Variants in DYNC1I2 observed in about 807,000 individuals in gnomAD.
The protein encoded by DYNC1I2 is dynein cytoplasmic 1 intermediate chain 2.
A neutral mutation model predicts 88.6 loss-of-function variants in DYNC1I2; 53 were observed. The ratio of observed to expected loss-of-function variants is 0.60; its 90% CI spans 0.48 to 0.75. The LOEUF is 0.75. Ranked by LOEUF, DYNC1I2 falls within the 30% of genes least tolerant of loss-of-function variation. DYNC1I2 has a pLI of 0.00. For synonymous variants in DYNC1I2, 198 were observed against 254.6 expected (o/e 0.78, Z 2.12); for missense variants, 458 against 766.6 (o/e 0.60, Z 4.75).
At chr2:171,722,837 G>T (rs1687989219) in intron 7 of DYNC1I2, among the ~76,000 whole-genome samples, 2 of 152,184 alleles carry the variant, frequency 1.3e-5, no homozygotes, top group Middle Eastern at 3.4e-3. Flanking sequence ...TCATTTTTAT[G>T]AAGCTTAAGT....
intron 4 of DYNC1I2, chr2:171,706,794 AAAGAAAAAATTATTAGAC>A: frequency 2.2e-6 from 1 of 454,390 alleles, no homozygotes; most frequent in Non-Finnish European, 3.9e-6. Context: ...TTACTTTTTG[AAAGAAAAAATTATTAGAC>A]AAAAGTTAAT....
intron 15 of DYNC1I2, among the ~76,000 whole-genome samples, chr2:171,730,208 T>C (rs916274796): frequency 2.6e-5 from 4 of 152,150 alleles, no homozygotes; most frequent in African/African-American, 9.7e-5. Context: ...GCATTTGCTC[T>C]TTGGAGAGTT....
At chr2:171,735,997 A>T (rs541386641) in intron 15 of DYNC1I2, among the ~76,000 whole-genome samples, 1 of 152,180 alleles carries the variant, frequency 6.6e-6, no homozygotes, top group Non-Finnish European at 1.5e-5. Context: ...GTCCATACAC[A>T]TCTTGAAATT....
chr2:171,715,501 CT>C (rs1574564208), intron 7 of DYNC1I2, 58 bp downstream of exon 7: 10 of 1,079,038 alleles, frequency 9.3e-6, no homozygotes, highest in Non-Finnish European at 1.3e-5. Flanking sequence ...TACATAGATT[CT>C]TTTTTTCTTC....
At chr2:171,740,684 T>C (rs938222705) in intron 15 of DYNC1I2, among the ~76,000 whole-genome samples, 10 of 152,224 alleles carry the variant, frequency 6.6e-5, no homozygotes, top group Admixed American at 6.5e-4. Context: ...TTTGGTTTTC[T>C]TCTTCAGGAC....
chr2:171,744,111 A>G lies in DYNC1I2; in HGVS notation c.1599A>G (p.Ser533=), dbSNP rs1273395894. The G allele has an allele frequency of 3.1e-6, 5 of 1,613,220 alleles. No homozygotes were observed. The Admixed American group carries it at 6.7e-5, about 22-fold the overall frequency. ...ACTATGTTTATGATGTTATGTGGTCACCTACCCACCCAGCCCTGTTTGCCT... is the reference window on the plus strand; with the variant it reads ...ACTATGTTTATGATGTTATGTGGTCGCCTACCCACCCAGCCCTGTTTGCCT... ...NADYVYDVMW[S]PTHPALFACV... Residue 533 remains serine, a synonymous_variant, in exon 16 of 18, where the codon TCA becomes TCG. Coordinates refer to ENST00000397119, the MANE Select transcript of DYNC1I2 (RefSeq NM_001378.3).
intron 3 of DYNC1I2, among the ~76,000 whole-genome samples, chr2:171,701,815 A>AAT (rs1686283220): frequency 5.9e-5 from 9 of 152,204 alleles, no homozygotes; most frequent in Admixed American, 4.6e-4. Flanking sequence ...TACAGAGTAT[A>AAT]CTATCTGGCA....
At chr2:171,718,292 T>A (rs1687656448) in intron 7 of DYNC1I2, among the ~76,000 whole-genome samples, 1 of 152,136 alleles carries the variant, frequency 6.6e-6, no homozygotes, top group African/African-American at 2.4e-5. Context: ...TTTCATTTTT[T>A]AAAAATAGTT....
chr2:171,693,664 G>A (rs558448355), intron 3 of DYNC1I2, among the ~76,000 whole-genome samples: 2 of 152,262 alleles, frequency 1.3e-5, no homozygotes, highest in South Asian at 4.1e-4. Flanking sequence ...CTCTATGCTT[G>A]TTGTGAAACT....
intron 1 of DYNC1I2, chr2:171,687,866 C>T: frequency 6.6e-6 from 1 of 152,612 alleles, no homozygotes. Flanking sequence ...CATCCAGTCA[C>T]CTGACAGGTG....
At chr2:171,741,286 C>T (rs1244999799) in intron 15 of DYNC1I2, among the ~76,000 whole-genome samples, 4 of 152,102 alleles carry the variant, frequency 2.6e-5, no homozygotes, top group African/African-American at 4.8e-5. Context: ...TTATTTCTCT[C>T]GGGTATATAC....
At chr2:171,727,025 C>T (rs1688302285) in intron 11 of DYNC1I2, 109 bp downstream of exon 11, 1 of 1,249,048 alleles carries the variant, frequency 8.0e-7, no homozygotes, top group Admixed American at 3.1e-5. Flanking sequence ...ATTGGATTGG[C>T]ATTTTACTAA....
chr2:171,710,120 TATACACACACACACACAC>T (rs902224044), intron 5 of DYNC1I2, among the ~76,000 whole-genome samples: 6 of 95,674 alleles, frequency 6.3e-5, no homozygotes, highest in South Asian at 3.3e-4. Context: ...TTTATGTATA[TATACACACACACACACAC>T]ACACACACAC....
At chr2:171,698,052 G>A (rs1685919371) in intron 3 of DYNC1I2, among the ~76,000 whole-genome samples, 1 of 152,124 alleles carries the variant, frequency 6.6e-6, no homozygotes, top group Non-Finnish European at 1.5e-5. Flanking sequence ...ATCATAATTA[G>A]CCCCTTGTGA....
At chr2:171,728,489 A>C (rs1688392099) in intron 13 of DYNC1I2, 71 bp downstream of exon 13, 1 of 969,840 alleles carries the variant, frequency 1.0e-6, no homozygotes, top group East Asian at 2.6e-5. Flanking sequence ...ACCTCAACTT[A>C]TGTTTCTCAT....
At chr2:171,745,774 C>T (rs748098571) in intron 16 of DYNC1I2, 28 bp from the exon 17 acceptor site, 11 of 1,606,762 alleles carry the variant, frequency 6.8e-6, no homozygotes, top group Non-Finnish European at 9.4e-6. Context: ...AAACTTTTAA[C>T]ACTGTCCTTT....
Position 171,750,082 on chromosome 2 carries a change from T to TAA in DYNC1I2, c.*2195_*2196dup, listed in dbSNP as rs1458618768. ...GTTTTTGTCTTTTTGAGTGGAACGT[T>TAA]AAAGTTTATTACCTTCATGTTAAGG... is the stretch of plus-strand genomic sequence containing the variant. On this transcript the variant is annotated 3_prime_UTR_variant, in exon 18 of 18. Coordinates refer to ENST00000397119, the MANE Select transcript of DYNC1I2 (RefSeq NM_001378.3). Among the ~76,000 whole-genome samples the TAA allele has an allele frequency of 5.9e-5, 9 of 152,208 alleles. No individual in the cohort carries two copies. The highest frequency in any genetic ancestry group is 5.9e-4 in the Admixed American group (9 of 15,286).
At chr2:171,705,834 T>G (rs1686639927) in intron 3 of DYNC1I2, among the ~76,000 whole-genome samples, 1 of 152,094 alleles carries the variant, frequency 6.6e-6, no homozygotes, top group South Asian at 2.1e-4. Flanking sequence ...AATCACAATA[T>G]TAGAAACATT....
chr2:171,729,398 A>T (rs1390319126), intron 14 of DYNC1I2, among the ~76,000 whole-genome samples: 1 of 152,174 alleles, frequency 6.6e-6, no homozygotes, highest in Non-Finnish European at 1.5e-5. Flanking sequence ...TTTTGTTTTA[A>T]AAGTAGCCCA....
Sources: allele counts gnomAD v4.1 joint callset (sites outside exome capture counted in the v4.1 genomes callset), GRCh38; gene constraint gnomAD v4.1.1; transcripts MANE v1.5; gene names NCBI Gene and HGNC (gene_info 2026-07-23, HGNC 2026-07-21).